DMD: variants seen among roughly 807,000 people sequenced by gnomAD.
The protein encoded by DMD is dystrophin, also known as mutant dystrophin.
DMD carries 63 observed loss-of-function variants against 330.1 expected under a neutral mutation model. The observed-to-expected ratio is 0.19, with a 90% CI of 0.16 to 0.24. The LOEUF (loss-of-function observed/expected upper bound fraction) is 0.24. Ranked by LOEUF, DMD falls within the 10% of genes least tolerant of loss-of-function variation. The pLI, the probability that DMD is intolerant of heterozygous loss-of-function variation, is 1.00. For synonymous variants in DMD, 1,223 were observed against 959.8 expected, an observed-to-expected ratio of 1.27 and a Z score of -5.07; for missense variants, 3,344 against 2,684.1, an observed-to-expected ratio of 1.25 and a Z score of -5.43.
chrX:33,082,879 C>T (rs967976208), intron 1 of DMD, among the ~76,000 whole-genome samples: 3 of 112,218 alleles, frequency 2.7e-5, no homozygotes, highest in Non-Finnish European at 5.6e-5. Context: ...TCCTAACCCA[C>T]GTTCTATCAC....
intron 17 of DMD, among the ~76,000 whole-genome samples, chrX:32,520,277 C>G (rs975821861): frequency 8.0e-5 from 9 of 112,207 alleles, no homozygotes; most frequent in African/African-American, 2.6e-4. Context: ...CTTTCACACT[C>G]TCTTCAGCGA....
chrX:31,216,805 T>C (rs1273399724), intron 64 of DMD, among the ~76,000 whole-genome samples: 1 of 111,654 alleles, frequency 9.0e-6, no homozygotes, highest in Admixed American at 9.5e-5. Context: ...AGGCGGTGCA[T>C]TTTTCACCTG....
At chrX:32,417,931 A>G (rs2147994776) in intron 29 of DMD, among the ~76,000 whole-genome samples, 1 of 108,942 alleles carries the variant, frequency 9.2e-6, no homozygotes, top group South Asian at 4.1e-4. Flanking sequence ...GACATTGGAG[A>G]ATAATATAAC....
intron 60 of DMD, among the ~76,000 whole-genome samples, chrX:31,398,277 G>A (rs900565585): frequency 4.9e-4 from 55 of 112,015 alleles, no homozygotes; most frequent in African/African-American, 1.7e-3. Flanking sequence ...CCACTAAAAT[G>A]GACTGGCTCA....
At chrX:32,728,157 G>A (rs2067111995) in intron 7 of DMD, among the ~76,000 whole-genome samples, 1 of 110,818 alleles carries the variant, frequency 9.0e-6, no homozygotes, top group Non-Finnish European at 1.9e-5. Flanking sequence ...CTCTTACACT[G>A]CTTGTACTAA....
At chrX:32,772,344 C>A (rs1206814049) in intron 7 of DMD, among the ~76,000 whole-genome samples, 1 of 112,556 alleles carries the variant, frequency 8.9e-6, no homozygotes, top group Non-Finnish European at 1.9e-5. Context: ...CCTTTCCTAA[C>A]CTTTTCTTTC....
intron 44 of DMD, among the ~76,000 whole-genome samples, chrX:32,169,855 TTA>T (rs2096881158): frequency 9.8e-6 from 1 of 102,121 alleles, no homozygotes; most frequent in South Asian, 4.1e-4. Flanking sequence ...TCATTTCGAC[TTA>T]TCTTTTTTCC....
intron 7 of DMD, among the ~76,000 whole-genome samples, chrX:32,714,527 A>T (rs1051728308): frequency 8.9e-6 from 1 of 111,734 alleles, no homozygotes; most frequent in Non-Finnish European, 1.9e-5. Context: ...TTAGTATTCC[A>T]TTATATATAC....
At chrX:31,380,085 T>C (rs2060088051) in intron 60 of DMD, among the ~76,000 whole-genome samples, 2 of 110,758 alleles carry the variant, frequency 1.8e-5, no homozygotes, top group South Asian at 7.7e-4. Flanking sequence ...ATACGGAGGC[T>C]ACCCACTCCA....
chrX:32,228,801 T>G lies in DMD; in HGVS notation c.6291-11738A>C, dbSNP rs1482773424. 2.7e-5 allele frequency among the ~76,000 whole-genome samples: 3 copies of G among 111,707 alleles called. No homozygotes were observed. In the South Asian group the frequency reaches 1.1e-3, roughly 42 times the overall value. On this transcript the variant is annotated intron_variant, in intron 43 of 78. Transcript: ENST00000357033. ...CTAGAGGGGATATTTGAAATAATGA[T>G]GCCTTTCTCTTCATTCAAACACAAA...
intron 17 of DMD, among the ~76,000 whole-genome samples, chrX:32,543,803 G>A (rs746506990): frequency 3.6e-5 from 4 of 111,143 alleles, no homozygotes; most frequent in South Asian, 3.8e-4. Flanking sequence ...AGCAAGGGTC[G>A]CCAAACTTTT....
chrX:32,596,290 C>G (rs1486069950), intron 12 of DMD, among the ~76,000 whole-genome samples: 1 of 94,222 alleles, frequency 1.1e-5, no homozygotes, highest in African/African-American at 3.9e-5. Flanking sequence ...ATTATGTGTT[C>G]CTCTTCACTG....
intron 68 of DMD, among the ~76,000 whole-genome samples, chrX:31,181,850 G>C (rs6631256): frequency 9.0e-6 from 1 of 111,693 alleles, no homozygotes; most frequent in African/African-American, 3.3e-5. Flanking sequence ...ATAGACCATA[G>C]AGCTAGTTTA....
chrX:33,151,679 C>A (rs752466016), intron 1 of DMD, among the ~76,000 whole-genome samples: 3 of 111,687 alleles, frequency 2.7e-5, no homozygotes, highest in Non-Finnish European at 3.8e-5. Context: ...TTTCTGATCT[C>A]CAATTTCATT....
chrX:33,230,478 A>T (rs1170071002), intron 1 of DMD, among the ~76,000 whole-genome samples: 1 of 111,568 alleles, frequency 9.0e-6, no homozygotes, highest in African/African-American at 3.2e-5. Context: ...TTCATCATAC[A>T]TTGTGGATGT....
intron 34 of DMD, among the ~76,000 whole-genome samples, chrX:32,376,974 A>G (rs948347062): frequency 9.0e-6 from 1 of 111,709 alleles, no homozygotes; most frequent in African/African-American, 3.2e-5. Context: ...TTAAAAACCA[A>G]AACCCTAAAA....
At chrX:32,704,496 C>A (rs1301925480) in intron 7 of DMD, among the ~76,000 whole-genome samples, 1 of 111,652 alleles carries the variant, frequency 9.0e-6, no homozygotes, top group Non-Finnish European at 1.9e-5. Flanking sequence ...CAAGTTTCTG[C>A]CAAGGGACAG....
At chrX:32,216,542 C>T (rs1159424405) in intron 44 of DMD, among the ~76,000 whole-genome samples, 1 of 111,720 alleles carries the variant, frequency 9.0e-6, no homozygotes, top group African/African-American at 3.2e-5. Context: ...TTTCTAGCAA[C>T]TTCATTTTAG....
At chrX:31,934,519 C>T (rs1037569228) in intron 45 of DMD, among the ~76,000 whole-genome samples, 6 of 111,213 alleles carry the variant, frequency 5.4e-5, no homozygotes, top group African/African-American at 9.8e-5. Context: ...TTGTAGGGTA[C>T]GTGAGATATT....
Sources: gnomAD v4.1 joint callset for allele counts (sites outside exome capture counted in the v4.1 genomes callset) on GRCh38, gnomAD v4.1.1 for gene constraint, MANE v1.5 for transcripts, NCBI Gene and HGNC (gene_info 2026-07-23, HGNC 2026-07-21) for gene names.